CDK6: variants seen among roughly 807,000 people sequenced by gnomAD.
The protein encoded by CDK6 is cyclin dependent kinase 6.
Under a neutral mutation model 37.1 loss-of-function variants are expected in CDK6, and 6 were observed. That is an observed-to-expected ratio of 0.16 (90% CI 0.09 to 0.32). The LOEUF (loss-of-function observed/expected upper bound fraction) is 0.32, where lower values mean the gene tolerates loss of function less well. Among genes scored for constraint, CDK6 ranks in the 10% least tolerant of loss-of-function variants. CDK6 has a pLI of 1.00. For synonymous variants in CDK6, 160 were observed against 161.3 expected (o/e 0.99, Z 0.06); for missense variants, 224 against 418.9 (o/e 0.53, Z 4.06).
At chr7:92,658,120 G>A (rs1030020782) in intron 5 of CDK6, among the ~76,000 whole-genome samples, 1 of 152,090 alleles carries the variant, frequency 6.6e-6, no homozygotes, top group Non-Finnish European at 1.5e-5. Context: ...CTTCATCTTT[G>A]AGAATCTCAA....
intron 2 of CDK6, among the ~76,000 whole-genome samples, chr7:92,814,308 C>T (rs576404873): frequency 1.3e-5 from 2 of 152,200 alleles, no homozygotes; most frequent in Admixed American, 1.3e-4. Context: ...TTATACTGTC[C>T]TCTAAATTAA....
rs143164426 is a variant in CDK6, at chr7:92,662,778, C to T, written c.647+8648G>A. On this transcript the variant is annotated intron_variant, in intron 5 of 7. Transcript: ENST00000424848. ...GGAAAATCATGGGTCCTGAAAATCT[C>T]CAGGTCATGCCATTAGGACTGGGGA... Among the ~76,000 whole-genome samples, 227 of 152,228 alleles carry T rather than the reference C, an allele frequency of 1.5e-3. 1 individual carries two copies. The highest frequency in any genetic ancestry group is 5.0e-3 in the African/African-American group (208 of 41,526).
At chr7:92,649,935 T>C (rs950247177) in intron 5 of CDK6, among the ~76,000 whole-genome samples, 1 of 152,230 alleles carries the variant, frequency 6.6e-6, no homozygotes, top group Non-Finnish European at 1.5e-5. Context: ...AACCAGACCT[T>C]GTGCTAACAC....
chr7:92,737,318 CTGT>C (rs1798811773), intron 3 of CDK6, among the ~76,000 whole-genome samples: 1 of 152,306 alleles, frequency 6.6e-6, no homozygotes, highest in South Asian at 2.1e-4. Flanking sequence ...CTTAAAATAT[CTGT>C]TGTTTTAATT....
chr7:92,611,429 A>G lies in CDK6; in HGVS notation c.*3711T>C, dbSNP rs1244385397. ...TGTAAGACACTCTCATGTGCTTATC[A>G]TAAGAATAGTCAAATTGTCACTTAA... On this transcript the variant is annotated 3_prime_UTR_variant, in exon 8 of 8. Coordinates refer to ENST00000424848, the MANE Select transcript of CDK6 (RefSeq NM_001145306.2). 1.3e-5 allele frequency: 3 copies of G among 226,898 alleles called. No homozygotes were observed. The highest frequency in any genetic ancestry group is 2.6e-5 in the Non-Finnish European group (3 of 114,232). The allele number at this position is 226,898 out of a possible 1,614,324, so 14.1% of individuals were successfully genotyped here. A position where few individuals can be genotyped will look rare whatever the true frequency, so the allele number is the denominator to read the frequency against.
intron 3 of CDK6, among the ~76,000 whole-genome samples, chr7:92,762,440 C>T (rs1264320133): frequency 6.6e-6 from 1 of 152,132 alleles, no homozygotes; most frequent in African/African-American, 2.4e-5. Context: ...TCTCAACAAA[C>T]ATTTCAAGTC....
intron 4 of CDK6, among the ~76,000 whole-genome samples, chr7:92,724,724 T>A (rs1798467844): frequency 6.6e-6 from 1 of 152,146 alleles, no homozygotes; most frequent in African/African-American, 2.4e-5. Flanking sequence ...ACAATACGGA[T>A]TATTTTTTTT....
In CDK6 at chr7:92,802,975, T is replaced by C. The variant is rs185704892; in HGVS notation, c.234-28144A>G. ...ACTGCCTTCAGTTGAGAACTACTAC[T>C]ATAGAGGGCCAATTCGTCATTCTGC... On this transcript the variant is annotated intron_variant, in intron 2 of 7. Coordinates refer to ENST00000424848, the MANE Select transcript of CDK6 (RefSeq NM_001145306.2). Among the ~76,000 whole-genome samples, 165 of 152,342 alleles carry C rather than the reference T, an allele frequency of 1.1e-3. 3 individuals are homozygous for C. In the South Asian group the frequency reaches 0.019, roughly 17 times the overall value.
At position 92,612,048 on chromosome 7, in the gene CDK6, T is replaced by C; in HGVS notation, c.*3092A>G. The C allele has an allele frequency of 4.3e-6, 1 of 232,836 alleles. No homozygotes were observed. Among genetic ancestry groups the C allele is most frequent in the East Asian group, 6.1e-5 (1 of 16,512 alleles). 14.4% of individuals were successfully genotyped at this position (232,836 alleles called of 1,614,324 possible). ...AAATTGTATTTTTAAGATTAGGTCCTTTTTATTACCCTTTGCCATGGGATT... is the reference window on the plus strand; with the variant it reads ...AAATTGTATTTTTAAGATTAGGTCCCTTTTATTACCCTTTGCCATGGGATT... On this transcript the variant is annotated 3_prime_UTR_variant, in exon 8 of 8. Coordinates refer to ENST00000424848, the MANE Select transcript of CDK6 (RefSeq NM_001145306.2).
chr7:92,621,223 CAGAGGAA>C (rs1795799476), intron 6 of CDK6, among the ~76,000 whole-genome samples: 1 of 152,200 alleles, frequency 6.6e-6, no homozygotes, highest in South Asian at 2.1e-4. Flanking sequence ...GTAATGCATT[CAGAGGAA>C]ACAGAACATA....
chr7:92,632,154 A>C (rs1465745046), intron 5 of CDK6, among the ~76,000 whole-genome samples: 1 of 152,050 alleles, frequency 6.6e-6, no homozygotes, highest in Non-Finnish European at 1.5e-5. Context: ...CTCTATGCTC[A>C]CACACCTTTC....
chr7:92,637,146 T>C (rs1191878546), intron 5 of CDK6, among the ~76,000 whole-genome samples: 1 of 152,214 alleles, frequency 6.6e-6, no homozygotes, highest in African/African-American at 2.4e-5. Context: ...TATACTGTAC[T>C]TAAGACTATG....
At position 92,612,876 on chromosome 7, in the gene CDK6, T is replaced by G. The variant is rs1193029444; in HGVS notation, c.*2264A>C. ...AGCTCAGATGAATCAGTGCAGTGAG[T>G]TTTTAAATTCAATTTGTAGGCCCTA... On this transcript the variant is annotated 3_prime_UTR_variant, in exon 8 of 8. Coordinates refer to ENST00000424848, the MANE Select transcript of CDK6 (RefSeq NM_001145306.2). 4.3e-6 allele frequency: 1 copy of G among 232,786 alleles called. No homozygotes were observed. Among genetic ancestry groups the G allele is most frequent in the Non-Finnish European group, 8.5e-6 (1 of 117,932 alleles). 14.4% of individuals were successfully genotyped at this position (232,786 alleles called of 1,614,324 possible). A position where few individuals can be genotyped will look rare whatever the true frequency, so the allele number is the denominator to read the frequency against.
At chr7:92,672,166 TACACACACACACACACAG>T (rs1400874433) in intron 4 of CDK6, among the ~76,000 whole-genome samples, 106 of 38,672 alleles carry the variant, frequency 2.7e-3, no homozygotes, top group Non-Finnish European at 3.9e-3. Context: ...TATATACACA[TACACACACACACACACAG>T]ACACATACAC....
At chr7:92,617,273 C>A (rs1198497501) in intron 7 of CDK6, among the ~76,000 whole-genome samples, 4 of 152,114 alleles carry the variant, frequency 2.6e-5, no homozygotes, top group African/African-American at 7.2e-5. Flanking sequence ...TTCTGCTTGC[C>A]CTTCTGGAGC....
chr7:92,611,034 AC>A lies in CDK6; in HGVS notation c.*4105del. 1 of 226,592 alleles carries A rather than the reference AC, an allele frequency of 4.4e-6. No individual in the cohort carries two copies. The highest frequency in any genetic ancestry group is 8.8e-6 in the Non-Finnish European group (1 of 113,956). The allele number at this position is 226,592 out of a possible 1,614,324, so 14.0% of individuals were successfully genotyped here. On this transcript the variant is annotated 3_prime_UTR_variant, in exon 8 of 8. Transcript: ENST00000424848. ...ATATTAATCCCACAGTTACCAGATG[AC>A]CTTAGTATAAATTTTTACAATATAT... is the stretch of plus-strand genomic sequence containing the variant.
At chr7:92,677,207 G>T (rs1365981139) in intron 4 of CDK6, among the ~76,000 whole-genome samples, 1 of 152,066 alleles carries the variant, frequency 6.6e-6, no homozygotes, top group Non-Finnish European at 1.5e-5. Flanking sequence ...ATCATTTTTG[G>T]TTCAATCTTT....
chr7:92,795,664 C>T lies in CDK6; in HGVS notation c.234-20833G>A, dbSNP rs548733289. Among the ~76,000 whole-genome samples, 11 of 152,224 alleles carry T rather than the reference C, an allele frequency of 7.2e-5. No homozygotes were observed. The South Asian group carries it at 1.9e-3, about 26-fold the overall frequency. ...GAAGAGAACTAACTGTGCCACAGCA[C>T]ACATTCAGTCGTGCTATTTCTTCCA... On this transcript the variant is annotated intron_variant, in intron 2 of 7. Transcript: ENST00000424848.
intron 5 of CDK6, among the ~76,000 whole-genome samples, chr7:92,626,418 G>A (rs1316499859): frequency 2.6e-5 from 4 of 151,936 alleles, no homozygotes; most frequent in Non-Finnish European, 4.4e-5. Context: ...CGCGGTAATC[G>A]TTTCATCTTA....
Sources: allele counts gnomAD v4.1 joint callset (sites outside exome capture counted in the v4.1 genomes callset), GRCh38; gene constraint gnomAD v4.1.1; transcripts MANE v1.5; gene names NCBI Gene and HGNC (gene_info 2026-07-23, HGNC 2026-07-21).